NAV2: variants seen among roughly 807,000 people sequenced by gnomAD.
The protein encoded by NAV2 is helicase, APC down-regulated 1.
In NAV2, 54 loss-of-function variants were observed where a neutral mutation model predicts 223.2. The ratio of observed to expected loss-of-function variants is 0.24; its 90% CI spans 0.19 to 0.30. The LOEUF is 0.30. Among genes scored for constraint, NAV2 ranks in the 10% least tolerant of loss-of-function variants. NAV2 has a pLI of 1.00. For synonymous variants in NAV2, 1,279 were observed against 1,239.3 expected (o/e 1.03, Z -0.67); for missense variants, 2,806 against 3,147.5 (o/e 0.89, Z 2.60).
intron 26 of NAV2, among the ~76,000 whole-genome samples, chr11:20,085,726 C>T (rs955723423): frequency 5.9e-5 from 9 of 152,226 alleles, no homozygotes; most frequent in African/African-American, 9.6e-5. Flanking sequence ...CTGAGGCTCC[C>T]GCCATCCACA....
Position 19,849,402 on chromosome 11 carries a change from G to T in NAV2, c.438+6479G>T, listed in dbSNP as rs189504478. On this transcript the variant is annotated intron_variant, in intron 3 of 37. Coordinates refer to ENST00000349880, the MANE Select transcript of NAV2 (RefSeq NM_145117.5). ...GATGGAACATTTCTGGAAAGGGCCT[G>T]AGTTGACCTGCTGATGGCAACATGA... 6.5e-3 allele frequency among the ~76,000 whole-genome samples: 991 copies of T among 152,354 alleles called. 11 individuals are homozygous for T. The highest frequency in any genetic ancestry group is 0.023 in the African/African-American group (952 of 41,586).
chr11:19,508,358 C>T (rs1055427752), intron 1 of NAV2, among the ~76,000 whole-genome samples: 6 of 152,186 alleles, frequency 3.9e-5, no homozygotes, highest in Admixed American at 3.9e-4. Context: ...CCTTTGTCCT[C>T]TTCCAAACTA....
At chr11:19,363,497 C>T (rs1260902300) in intron 1 of NAV2, among the ~76,000 whole-genome samples, 2 of 152,190 alleles carry the variant, frequency 1.3e-5, no homozygotes, top group Non-Finnish European at 2.9e-5. Flanking sequence ...CGTGATGAAA[C>T]TGAAATTCAA....
chr11:19,383,222 A>G (rs957627265), intron 1 of NAV2, among the ~76,000 whole-genome samples: 4 of 152,146 alleles, frequency 2.6e-5, no homozygotes, highest in Non-Finnish European at 4.4e-5. Context: ...TGGCCATGTC[A>G]ATGAATTCTA....
chr11:19,666,312 A>C (rs915122315), intron 1 of NAV2, among the ~76,000 whole-genome samples: 3 of 152,236 alleles, frequency 2.0e-5, no homozygotes, highest in African/African-American at 4.8e-5. Flanking sequence ...CCAGATGCAC[A>C]TTCAGCAATA....
At chr11:19,892,333 G>C (rs749742486) in intron 5 of NAV2, 101 bp from the exon 6 acceptor site, 96 of 1,148,866 alleles carry the variant, frequency 8.4e-5, no homozygotes, top group Non-Finnish European at 1.1e-4. Flanking sequence ...ACAATGTCTT[G>C]GATAGTTTCT....
At chr11:19,798,729 A>G (rs1189240403) in intron 1 of NAV2, among the ~76,000 whole-genome samples, 4 of 152,192 alleles carry the variant, frequency 2.6e-5, no homozygotes, top group Admixed American at 2.6e-4. Context: ...CCCATTTTAC[A>G]GATAGAGAAA....
chr11:19,714,509 G>C (rs1174323091), intron 1 of NAV2: 2 of 455,856 alleles, frequency 4.4e-6, no homozygotes, highest in Admixed American at 4.7e-5. Context: ...CATCCTGCGG[G>C]GTGACGGGAT....
At chr11:19,537,466 G>T (rs905014894) in intron 1 of NAV2, among the ~76,000 whole-genome samples, 6 of 152,214 alleles carry the variant, frequency 3.9e-5, no homozygotes, top group African/African-American at 1.4e-4. Context: ...ATGAAGCCTG[G>T]ATTCAAACCC....
intron 27 of NAV2, among the ~76,000 whole-genome samples, chr11:20,091,780 G>A (rs73438575): frequency 0.05 from 7,545 of 152,286 alleles, 340 homozygotes; most frequent in African/African-American, 0.12. Flanking sequence ...TATGAAAGGA[G>A]AATACCTTGA....
intron 37 of NAV2, 92 bp from the exon 38 acceptor site, chr11:20,118,041 G>T: frequency 7.0e-7 from 1 of 1,438,194 alleles, no homozygotes; most frequent in South Asian, 1.2e-5. Context: ...TATCCCAGGT[G>T]AGTCTGGAGG....
chr11:19,747,331 A>C (rs1054302377), intron 1 of NAV2, among the ~76,000 whole-genome samples: 3 of 152,060 alleles, frequency 2.0e-5, no homozygotes, highest in Non-Finnish European at 4.4e-5. Flanking sequence ...ATTATGTCTC[A>C]AGTACTTTCT....
In NAV2 at chr11:19,598,328, C is replaced by T. The variant is rs142167460; in HGVS notation, c.76-234156C>T. Among the ~76,000 whole-genome samples the T allele has an allele frequency of 7.2e-4, 109 of 152,310 alleles. 1 individual carries two copies. The highest frequency in any genetic ancestry group is 2.4e-3 in the African/African-American group (100 of 41,562). On this transcript the variant is annotated intron_variant, in intron 1 of 37. Coordinates refer to the NAV2 transcript ENST00000360655. The stretch of plus-strand genomic sequence containing the variant: ...CCACAGCGAGTAGCCATCCGTGAGC[C>T]GAGGAAACTGTACACAGGTAAGACG...
chr11:19,884,363 G>T, intron 5 of NAV2: 4 of 1,612,748 alleles, frequency 2.5e-6, no homozygotes, highest in Non-Finnish European at 3.4e-6. Context: ...AGATCTCTAG[G>T]TTAGACTTTC....
chr11:20,117,591 CA>C (rs2063224069), intron 37 of NAV2, among the ~76,000 whole-genome samples: 1 of 152,108 alleles, frequency 6.6e-6, no homozygotes, highest in African/African-American at 2.4e-5. Context: ...GGAGCTGCAG[CA>C]CAGTTGGCTC....
At chr11:19,983,253 C>A (rs2050456503) in intron 10 of NAV2, among the ~76,000 whole-genome samples, 1 of 152,162 alleles carries the variant, frequency 6.6e-6, no homozygotes, top group African/African-American at 2.4e-5. Context: ...AGTGGCTAAG[C>A]TTTCAGGAAC....
intron 3 of NAV2, 68 bp from the exon 4 acceptor site, chr11:19,868,857 C>G: frequency 6.7e-7 from 1 of 1,482,934 alleles, no homozygotes; most frequent in Non-Finnish European, 9.3e-7. Context: ...TCCCATTGTT[C>G]CTCATAAGAG....
At position 20,011,183 on chromosome 11, in the gene NAV2, T is replaced by TA. The variant is rs201765341; in HGVS notation, c.2769-24769dup. Among the ~76,000 whole-genome samples, 1,037 of 152,208 alleles carry TA rather than the reference T, an allele frequency of 6.8e-3. 16 individuals carry two copies. Among genetic ancestry groups the TA allele is most frequent in the African/African-American group, 0.024 (995 of 41,536 alleles). ...TACCTGGCCTGACCCATAGCTTTTT[T>TA]AAAAAAATGAGTTTTGGTGAGGTTT... On this transcript the variant is annotated intron_variant, in intron 11 of 37. Coordinates refer to ENST00000349880, the MANE Select transcript of NAV2 (RefSeq NM_145117.5).
intron 1 of NAV2, among the ~76,000 whole-genome samples, chr11:19,400,666 AG>A (rs1358825718): frequency 1.3e-5 from 2 of 152,230 alleles, no homozygotes; most frequent in African/African-American, 4.8e-5. Flanking sequence ...AATTAGAAAA[AG>A]GTACCCTTCT....
Sources: allele counts gnomAD v4.1 joint callset (sites outside exome capture counted in the v4.1 genomes callset), GRCh38; gene constraint gnomAD v4.1.1; transcripts MANE v1.5; gene names NCBI Gene and HGNC (gene_info 2026-07-23, HGNC 2026-07-21).